Variants in OAS1 observed in about 807,000 individuals in gnomAD.
The protein encoded by OAS1 is 2'-5'-oligoadenylate synthetase 1.
Under a neutral mutation model 38.5 loss-of-function variants are expected in OAS1, and 24 were observed. The observed-to-expected ratio is 0.62, with a 90% CI of 0.45 to 0.88. The LOEUF (loss-of-function observed/expected upper bound fraction) is 0.88. Ranked by LOEUF, OAS1 falls within the 40% of genes least tolerant of loss-of-function variation. The pLI, the probability that OAS1 is intolerant of heterozygous loss-of-function variation, is 0.00. For missense variants in OAS1, 482 were observed against 493.9 expected (o/e 0.98, Z 0.23); for synonymous variants, 169 against 193.9 (o/e 0.87, Z 1.07).
chr12:112,922,172 T>A (rs770109447), downstream of OAS1, among the ~76,000 whole-genome samples: 8 of 152,152 alleles, frequency 5.3e-5, no homozygotes, highest in Non-Finnish European at 7.4e-5. Context: ...TAAATGGCCA[T>A]AGGTCCTTTG....
In OAS1 at chr12:112,919,409, CGAT is replaced by C. The variant is rs1565965323; in HGVS notation, c.1062_1064del (p.Asp354del). ...TTCAGGCTGAAAGCAACAGTGCAGA[CGAT>C]GAGACCGACGATCCCAGGAGGTATC... On this transcript the variant is annotated inframe_deletion, in exon 6 of 6. Coordinates refer to ENST00000202917, the MANE Select transcript of OAS1 (RefSeq NM_016816.4). 1 of 1,613,588 alleles carries C rather than the reference CGAT, an allele frequency of 6.2e-7. No homozygotes were observed. The highest frequency in any genetic ancestry group is 1.1e-5 in the South Asian group (1 of 91,010).
chr12:112,915,190 G>A (rs1035647971), intron 3 of OAS1, among the ~76,000 whole-genome samples: 4 of 152,122 alleles, frequency 2.6e-5, no homozygotes, highest in Non-Finnish European at 5.9e-5. Flanking sequence ...TGAAGTCTTT[G>A]CCTAAGCCAA....
chr12:112,927,128 C>T (rs538966549), intron 6 of OAS1, among the ~76,000 whole-genome samples: 4 of 152,148 alleles, frequency 2.6e-5, no homozygotes, highest in African/African-American at 7.2e-5. Flanking sequence ...ACATGCTTTA[C>T]GAACAATTTG....
chr12:112,932,117 A>G, exon 7 of OAS1: 1 of 556,330 alleles, frequency 1.8e-6, no homozygotes, highest in South Asian at 2.4e-5. Flanking sequence ...AATGCCCCAT[A>G]TGAATACATG....
intron 3 of OAS1, among the ~76,000 whole-genome samples, chr12:112,912,229 A>G (rs2043392542): frequency 6.6e-6 from 1 of 152,160 alleles, no homozygotes. Context: ...AGCCCCAGCT[A>G]CTGGGTAGGC....
chr12:112,908,017 C>G (rs189533445), intron 1 of OAS1, among the ~76,000 whole-genome samples: 16 of 152,338 alleles, frequency 1.1e-4, no homozygotes, highest in African/African-American at 3.6e-4. Flanking sequence ...TAAAGCGCTG[C>G]TTCTCTTGTA....
At chr12:112,915,370 T>C (rs1422976918) in intron 3 of OAS1, among the ~76,000 whole-genome samples, 2 of 152,208 alleles carry the variant, frequency 1.3e-5, no homozygotes, top group Non-Finnish European at 2.9e-5. Flanking sequence ...ATTTGTTGAA[T>C]AGGGTGTCCT....
rs1021340095 is a variant in OAS1 at position 112,908,744 on chromosome 12, G to A, written c.389G>A (p.Arg130His). The A allele has an allele frequency of 6.2e-6, 10 of 1,614,194 alleles. 1 individual carries two copies. Among genetic ancestry groups the A allele is most frequent in the South Asian group, 4.4e-5 (4 of 91,078 alleles). ...EVQAPRWGNP[R>H]ALSFVLSSLQ... ...CAGGCTCCACGCTGGGGCAACCCCC[G>A]TGCGCTCAGCTTCGTACTGAGTTCG... Residue 130 changes from arginine (R) to histidine (H), a missense_variant, in exon 2 of 6, where the codon CGT becomes CAT. Coordinates refer to ENST00000202917, the MANE Select transcript of OAS1 (RefSeq NM_016816.4).
chr12:112,930,134 C>T (rs182237941), intron 6 of OAS1, among the ~76,000 whole-genome samples: 1 of 152,154 alleles, frequency 6.6e-6, no homozygotes, highest in African/African-American at 2.4e-5. Flanking sequence ...GCACCTCCTC[C>T]CCACTTTCTC....
At chr12:112,928,724 G>A (rs535986433) in intron 6 of OAS1, among the ~76,000 whole-genome samples, 1 of 152,182 alleles carries the variant, frequency 6.6e-6, no homozygotes, top group Non-Finnish European at 1.5e-5. Context: ...ACATTCCACT[G>A]GCCATGCAAG....
chr12:112,919,411 A>G lies in OAS1; in HGVS notation c.1061A>G (p.Asp354Gly), dbSNP rs35919998. ...CAGGCTGAAAGCAACAGTGCAGACG[A>G]TGAGACCGACGATCCCAGGAGGTAT... is the stretch of plus-strand genomic sequence containing the variant. ...ILLAESNSAD[D>G]ETDDPRRYQK... is the part of the protein sequence containing the mutation. Residue 354 changes from aspartate (D) to glycine (G), a missense_variant, in exon 6 of 6, where the codon GAT becomes GGT. By Grantham distance (94) the Asp-to-Gly change is moderately conservative. Transcript: ENST00000202917. The G allele has an allele frequency of 4.6e-4, 742 of 1,613,914 alleles. 4 individuals carry two copies. The African/African-American group carries it at 8.2e-3, about 18-fold the overall frequency.
downstream of OAS1, among the ~76,000 whole-genome samples, chr12:112,921,898 C>G (rs10850092): frequency 0.75 from 114,529 of 152,082 alleles, 44,353 homozygotes; most frequent in African/African-American, 0.94. Context: ...AGGCCAATGT[C>G]GGGTAGTGTC....
At chr12:112,912,118 G>T (rs1377601152) in intron 3 of OAS1, among the ~76,000 whole-genome samples, 2 of 152,182 alleles carry the variant, frequency 1.3e-5, no homozygotes, top group African/African-American at 4.8e-5. Flanking sequence ...CAGGTAGATT[G>T]CTTGAGCCCA....
chr12:112,927,131 A>G (rs1435540931), intron 6 of OAS1, among the ~76,000 whole-genome samples: 1 of 152,202 alleles, frequency 6.6e-6, no homozygotes, highest in East Asian at 1.9e-4. Context: ...TGCTTTACGA[A>G]CAATTTGTGC....
intron 2 of OAS1, 75 bp downstream of exon 2, chr12:112,908,899 G>A: frequency 6.7e-7 from 1 of 1,484,580 alleles, no homozygotes; most frequent in Non-Finnish European, 9.1e-7. Flanking sequence ...AGAGCTTTTT[G>A]CCCCAACAGG....
At chr12:112,913,662 C>T (rs2043415657) in intron 3 of OAS1, among the ~76,000 whole-genome samples, 1 of 151,950 alleles carries the variant, frequency 6.6e-6, no homozygotes, top group East Asian at 1.9e-4. Context: ...CATTTTTATC[C>T]TAAAATTTCT....
chr12:112,922,705 A>G (rs139186531), downstream of OAS1, among the ~76,000 whole-genome samples: 49 of 152,298 alleles, frequency 3.2e-4, no homozygotes, highest in East Asian at 5.2e-3. Flanking sequence ...CCAGACTTAC[A>G]TAGTAAACAT....
chr12:112,910,986 C>A, intron 2 of OAS1, 65 bp from the exon 3 acceptor site: 1 of 1,466,790 alleles, frequency 6.8e-7, no homozygotes, highest in South Asian at 1.2e-5. Context: ...AGATTGTCCC[C>A]TCAGAGTGAC....
In OAS1 at chr12:112,918,572, G is replaced by C. The variant is rs898254282; in HGVS notation, c.1039-817G>C. 1.6e-4 allele frequency: 70 copies of C among 441,466 alleles called. 1 individual carries two copies. The highest frequency in any genetic ancestry group is 1.4e-3 in the Admixed American group (55 of 40,408). The allele number at this position is 441,466 out of a possible 1,614,324, so 27.3% of individuals were successfully genotyped here. ...TTATTTGAAAAGTCCCATGAGGCAT[G>C]TTTTCTATCATTCCCATCTTACAGA... On this transcript the variant is annotated intron_variant, in intron 5 of 5. Transcript: ENST00000202917.
Sources: gnomAD v4.1 joint callset for allele counts (sites outside exome capture counted in the v4.1 genomes callset) on GRCh38, gnomAD v4.1.1 for gene constraint, MANE v1.5 for transcripts, NCBI Gene and HGNC (gene_info 2026-07-23, HGNC 2026-07-21) for gene names.